MMS19: variants seen among roughly 807,000 people sequenced by gnomAD.
MMS19 encodes the protein MMS19 nucleotide excision repair protein homolog.
MMS19 carries 77 observed loss-of-function variants against 129.8 expected under a neutral mutation model. That is an observed-to-expected ratio of 0.59 (90% CI 0.49 to 0.72). The LOEUF (loss-of-function observed/expected upper bound fraction) is 0.72. Among genes scored for constraint, MMS19 ranks in the 30% least tolerant of loss-of-function variants. The pLI, the probability that MMS19 is intolerant of heterozygous loss-of-function variation, is 0.00. For synonymous variants in MMS19, 491 were observed against 502.8 expected (o/e 0.98, Z 0.31); for missense variants, 1,168 against 1,266.3 (o/e 0.92, Z 1.18).
At chr10:97,467,098 C>A (rs932531137) in intron 14 of MMS19, among the ~76,000 whole-genome samples, 197 bp from the exon 15 acceptor site, 2 of 152,206 alleles carry the variant, frequency 1.3e-5, no homozygotes, top group Non-Finnish European at 1.5e-5. Flanking sequence ...CCTGCCTCAG[C>A]CTCCCGAGTA....
At chr10:97,486,292 C>A (rs376201190) in intron 1 of MMS19, among the ~76,000 whole-genome samples, 72 of 152,374 alleles carry the variant, frequency 4.7e-4, no homozygotes, top group East Asian at 2.3e-3. Flanking sequence ...AGCAATTCTC[C>A]TGTCTCAGCC....
chr10:97,485,693 C>T (rs2135488368), intron 1 of MMS19, among the ~76,000 whole-genome samples: 1 of 152,310 alleles, frequency 6.6e-6, no homozygotes, highest in Non-Finnish European at 1.5e-5. Flanking sequence ...GGTGATCCAC[C>T]CGCCTCTGCC....
At chr10:97,468,446 A>C in intron 12 of MMS19, 40 bp from the exon 13 acceptor site, 1 of 1,547,848 alleles carries the variant, frequency 6.5e-7, no homozygotes, top group Non-Finnish European at 8.8e-7. Context: ...GAGGAGGCCA[A>C]ATGGTGCCTG....
intron 19 of MMS19, 35 bp from the exon 20 acceptor site, chr10:97,462,717 AC>A (rs2032342417): frequency 1.5e-5 from 23 of 1,509,284 alleles, no homozygotes; most frequent in Non-Finnish European, 2.1e-5. Context: ...CAATCACAAG[AC>A]CATGACGGGT....
At position 97,469,078 on chromosome 10, in the gene MMS19, C is replaced by T. The variant is rs993611356; in HGVS notation, c.951G>A (p.Val317=). 1 of 1,581,402 alleles carries T rather than the reference C, an allele frequency of 6.3e-7. No homozygotes were observed. Among genetic ancestry groups the T allele is most frequent in the South Asian group, 1.2e-5 (1 of 86,766 alleles). ...REVFQTASER[V]EAEGLAALHS... is the part of the protein sequence containing the mutation. Reference sequence around the variant, plus strand: ...GGAGGGCCGCCAGGCCCTCTGCCTCCACCCGCTCACTTGCCGTCTGGAACA... The same window carrying T: ...GGAGGGCCGCCAGGCCCTCTGCCTCTACCCGCTCACTTGCCGTCTGGAACA... Residue 317 remains valine, a synonymous_variant, in exon 12 of 31, where the codon GTG becomes GTA. Coordinates refer to ENST00000438925, the MANE Select transcript of MMS19 (RefSeq NM_022362.5).
At chr10:97,469,851 G>T in intron 10 of MMS19, 128 bp from the exon 11 acceptor site, 2 of 741,040 alleles carry the variant, frequency 2.7e-6, no homozygotes, top group Non-Finnish European at 2.3e-6. Flanking sequence ...ATTTTTAACA[G>T]TCCTACTAAG....
chr10:97,461,685 A>G (rs762320667), intron 22 of MMS19, 63 bp from the exon 23 acceptor site: 16 of 1,572,022 alleles, frequency 1.0e-5, no homozygotes, highest in Non-Finnish European at 1.3e-5. Flanking sequence ...GAACCAGTAC[A>G]TAGTGGCAGC....
intron 13 of MMS19, 97 bp downstream of exon 13, chr10:97,468,155 T>A: frequency 7.9e-7 from 1 of 1,268,602 alleles, no homozygotes; most frequent in Non-Finnish European, 1.1e-6. Flanking sequence ...ACCCAAGGTC[T>A]ACTATGTTGG....
Position 97,476,432 on chromosome 10 carries a change from G to A in MMS19, c.684+251C>T, listed in dbSNP as rs29001288. Among the ~76,000 whole-genome samples, 827 of 152,310 alleles carry A rather than the reference G, an allele frequency of 5.4e-3. 8 individuals are homozygous for A. The highest frequency in any genetic ancestry group is 0.019 in the African/African-American group (791 of 41,562). On this transcript the variant is annotated intron_variant, in intron 8 of 30. Coordinates refer to ENST00000438925, the MANE Select transcript of MMS19 (RefSeq NM_022362.5). ...GTTTCAGCCTTCAAGGGCAGGGACA[G>A]TGTTTTGCAATCCTGTAGCCTTCAG... is the stretch of plus-strand genomic sequence containing the variant.
intron 18 of MMS19, among the ~76,000 whole-genome samples, chr10:97,464,691 ATTTTTTT>A (rs756050923): frequency 7.2e-6 from 1 of 138,752 alleles, no homozygotes; most frequent in Non-Finnish European, 1.6e-5. Context: ...TACCTAGGTA[ATTTTTTT>A]TTTTTTTTTT....
At chr10:97,498,640 G>A (rs1029191219), upstream of MMS19, 2 of 500,928 alleles carry the variant, frequency 4.0e-6, no homozygotes, top group Non-Finnish European at 7.0e-6. Flanking sequence ...CCGGCTCCCC[G>A]GGAGACGGGC....
upstream of MMS19, chr10:97,498,768 G>T (rs1020750718): frequency 4.2e-5 from 12 of 283,018 alleles, no homozygotes; most frequent in Non-Finnish European, 6.6e-5. Flanking sequence ...CGCACCTGGG[G>T]CGGGTGGTGG....
In MMS19 at chr10:97,459,228, G is replaced by C. The variant is rs1389624805; in HGVS notation, c.2959C>G (p.Pro987Ala). Residue 987 changes from proline (P) to alanine (A), a missense_variant, in exon 29 of 31, where the codon CCT becomes GCT. Coordinates refer to ENST00000438925, the MANE Select transcript of MMS19 (RefSeq NM_022362.5). The part of the protein sequence containing the change: ...CMHALTRLPT[P>A]VLLPYKPQVI... Reference sequence around the variant, plus strand: ...AGGACACCTGAGGTACTTACCACAGGGGTGGGCAGGCGAGTGAGAGCATGC... The same window carrying C: ...AGGACACCTGAGGTACTTACCACAGCGGTGGGCAGGCGAGTGAGAGCATGC... 6.2e-7 allele frequency: 1 copy of C among 1,611,716 alleles called. No homozygotes were observed. The highest frequency in any genetic ancestry group is 8.5e-7 in the Non-Finnish European group (1 of 1,179,118).
At chr10:97,489,606 A>T (rs942330707) in intron 1 of MMS19, among the ~76,000 whole-genome samples, 7 of 152,190 alleles carry the variant, frequency 4.6e-5, no homozygotes, top group African/African-American at 1.7e-4. Context: ...TTCAGATTTC[A>T]ATAGTTTCTC....
At chr10:97,463,163 G>GTTTTTTTT (rs11369236) in intron 19 of MMS19, among the ~76,000 whole-genome samples, 4 of 129,242 alleles carry the variant, frequency 3.1e-5, no homozygotes, top group Admixed American at 7.9e-5. Context: ...CTGTGAAACA[G>GTTTTTTTT]TTTTTTTTTT....
chr10:97,480,142 G>GC, intron 3 of MMS19: 5 of 371,118 alleles, frequency 1.3e-5, no homozygotes, highest in South Asian at 8.2e-5. Context: ...AGGAGGGCCA[G>GC]CTTTTTTGCC....
rs774487792 is a variant in MMS19, at chr10:97,461,885, T to G, written c.2127A>C (p.Ser709=). 5.6e-6 allele frequency: 9 copies of G among 1,605,222 alleles called. No individual in the cohort carries two copies. The highest frequency in any genetic ancestry group is 7.7e-6 in the Non-Finnish European group (9 of 1,176,056). The change falls in exon 22 of 31, where the codon TCA becomes TCC. Residue 709 remains serine, a synonymous_variant. Transcript: ENST00000438925. ...SRFQPFQDGS[S]GQRRLIALLM... is the part of the protein sequence containing the mutation. ...GCAGTGCAATCAGCCGCCTCTGCCC[T>G]GAGGAGCCATCCTATAAAGGAAGGA...
At chr10:97,477,650 G>T (rs1325269554) in intron 5 of MMS19, among the ~76,000 whole-genome samples, 1 of 152,174 alleles carries the variant, frequency 6.6e-6, no homozygotes, top group Non-Finnish European at 1.5e-5. Flanking sequence ...GGTATAAGAG[G>T]ACACAGGTCA....
rs983433411 is a variant in MMS19 at position 97,466,286 on chromosome 10, T to G, written c.1506-127A>C. On this transcript the variant is annotated intron_variant, in intron 16 of 30. Coordinates refer to ENST00000438925, the MANE Select transcript of MMS19 (RefSeq NM_022362.5). ...TCCTTGCTAAAGAGCAGAACTCAAG[T>G]ACCTACACCACTGAGTTGGACAGGG... The G allele has an allele frequency of 7.5e-6, 6 of 804,868 alleles. No individual in the cohort carries two copies. The African/African-American group carries it at 1.0e-4, about 14-fold the overall frequency. The allele number at this position is 804,868 out of a possible 1,614,324, so 49.9% of individuals were successfully genotyped here.
Sources: allele counts gnomAD v4.1 joint callset (sites outside exome capture counted in the v4.1 genomes callset), GRCh38; gene constraint gnomAD v4.1.1; transcripts MANE v1.5; gene names NCBI Gene and HGNC (gene_info 2026-07-23, HGNC 2026-07-21).